The following MED27 variants were observed in gnomAD, a reference collection of about 807,000 sequenced individuals.
The protein encoded by MED27 is mediator complex subunit 27.
MED27 carries 30 observed loss-of-function variants against 38.2 expected under a neutral mutation model. That is an observed-to-expected ratio of 0.79 (90% CI 0.59 to 1.07). The LOEUF (loss-of-function observed/expected upper bound fraction) is 1.07. Among genes scored for constraint, MED27 ranks in the 50% least tolerant of loss-of-function variants. The pLI is 0.00. For synonymous variants in MED27, 122 were observed against 153.5 expected, an observed-to-expected ratio of 0.79 and a Z score of 1.52; for missense variants, 289 against 397.5, an observed-to-expected ratio of 0.73 and a Z score of 2.32.
chr9:131,864,318 T>A (rs371569444), intron 6 of MED27, among the ~76,000 whole-genome samples: 1 of 151,870 alleles, frequency 6.6e-6, no homozygotes, highest in Non-Finnish European at 1.5e-5. Context: ...CCCGCCTCTA[T>A]AGAAAATACA....
In MED27 at chr9:132,079,830, T is replaced by A; in HGVS notation, c.15A>T (p.Ile5=). ...AGGCCTCCAGGTTCACACTGACATT[T>A]ATCACGTCCGCCATGTTGCCGCCGC... MADV[I]NVSVNLEAFS... is the part of the protein sequence containing the mutation. The change falls in exon 1 of 8, where the codon ATA becomes ATT. Residue 5 remains isoleucine (I), a synonymous_variant. Coordinates refer to ENST00000292035, the MANE Select transcript of MED27 (RefSeq NM_004269.4). 6.3e-7 allele frequency: 1 copy of A among 1,596,272 alleles called. No individual in the cohort carries two copies. The highest frequency in any genetic ancestry group is 8.5e-7 in the Non-Finnish European group (1 of 1,171,258).
intron 4 of MED27, among the ~76,000 whole-genome samples, chr9:131,921,175 A>T (rs889217554): frequency 2.0e-5 from 3 of 152,200 alleles, no homozygotes; most frequent in African/African-American, 4.8e-5. Flanking sequence ...GAAAGTTCCA[A>T]CAATAGTACA....
intron 2 of MED27, among the ~76,000 whole-genome samples, chr9:132,058,992 C>A (rs1269259653): frequency 6.6e-6 from 1 of 152,192 alleles, no homozygotes; most frequent in African/African-American, 2.4e-5. Context: ...TCACCCTTCC[C>A]CACCGTGCAC....
In MED27 at chr9:131,891,699, A is replaced by G. The variant is rs1839231389; in HGVS notation, c.681+2186T>C. On this transcript the variant is annotated intron_variant, in intron 5 of 7. Coordinates refer to ENST00000292035, the MANE Select transcript of MED27 (RefSeq NM_004269.4). ...GGCAAGGGGGAGATGGCAAAAAGAA[A>G]GAGAATCATCCGCTCGCATGTGTAT... Among the ~76,000 whole-genome samples the G allele has an allele frequency of 3.9e-5, 6 of 152,158 alleles. No homozygotes were observed. The South Asian group carries it at 1.2e-3, about 32-fold the overall frequency.
At chr9:131,897,309 A>T (rs1288885118) in intron 4 of MED27, among the ~76,000 whole-genome samples, 2 of 152,248 alleles carry the variant, frequency 1.3e-5, no homozygotes, top group Admixed American at 1.3e-4. Context: ...GTGGCAAACA[A>T]TACAAATATT....
chr9:131,978,036 T>C (rs1342103298), intron 3 of MED27, among the ~76,000 whole-genome samples: 3 of 152,206 alleles, frequency 2.0e-5, no homozygotes, highest in African/African-American at 7.2e-5. Context: ...ACCAGACATT[T>C]TGTGCCTCCT....
Position 131,997,147 on chromosome 9 carries a change from C to T in MED27, c.479+17190G>A, listed in dbSNP as rs981498530. ...TCTCCTCTGTAAGCCCTTATCTTAT[C>T]ATGTTGAAAGGTTGTACAAATCTGC... On this transcript the variant is annotated intron_variant, in intron 3 of 7. Transcript: ENST00000292035. This position sits in a 1 kb window ranked among gnomAD's most constrained non-coding sequence, Gnocchi z 4.0. 5.3e-5 allele frequency among the ~76,000 whole-genome samples: 8 copies of T among 151,908 alleles called. No individual in the cohort carries two copies. Among genetic ancestry groups the T allele is most frequent in the African/African-American group, 1.9e-4 (8 of 41,330 alleles).
At chr9:131,896,025 A>G (rs1360353747) in intron 4 of MED27, among the ~76,000 whole-genome samples, 1 of 151,984 alleles carries the variant, frequency 6.6e-6, no homozygotes, top group Non-Finnish European at 1.5e-5. Flanking sequence ...CGGCCTCCCG[A>G]GTAGCTGGGA....
At chr9:132,046,467 A>T (rs1833340612) in intron 2 of MED27, among the ~76,000 whole-genome samples, 2 of 152,222 alleles carry the variant, frequency 1.3e-5, no homozygotes, top group Non-Finnish European at 2.9e-5. Flanking sequence ...TCTGGATGCA[A>T]GTAAGACAGA....
intron 2 of MED27, among the ~76,000 whole-genome samples, chr9:132,076,548 C>T (rs1017265236): frequency 6.6e-6 from 1 of 152,234 alleles, no homozygotes; most frequent in South Asian, 2.1e-4. Context: ...GGAAAAAAAA[C>T]CACAGAAACG....
At chr9:132,052,373 T>C (rs996952630) in intron 2 of MED27, among the ~76,000 whole-genome samples, 6 of 152,316 alleles carry the variant, frequency 3.9e-5, no homozygotes, top group African/African-American at 7.2e-5. Flanking sequence ...ATACAATATA[T>C]AGGTTTTTGA....
chr9:131,900,913 G>A (rs1273915659), intron 4 of MED27, among the ~76,000 whole-genome samples: 22 of 151,266 alleles, frequency 1.5e-4, no homozygotes, highest in Admixed American at 1.5e-3. Context: ...ACAGCAGAAA[G>A]AAAGAGAGAG....
At chr9:131,981,483 T>C (rs947156363) in intron 3 of MED27, among the ~76,000 whole-genome samples, 1 of 152,218 alleles carries the variant, frequency 6.6e-6, no homozygotes, top group Non-Finnish European at 1.5e-5. Flanking sequence ...TTTTAAAATG[T>C]GGCCATTTGT....
intron 3 of MED27, among the ~76,000 whole-genome samples, chr9:132,012,569 C>T (rs773388432): frequency 2.6e-5 from 4 of 152,138 alleles, no homozygotes; most frequent in Admixed American, 6.5e-5. Flanking sequence ...CCAGAGCAGT[C>T]ACCCCTTGGG....
intron 2 of MED27, among the ~76,000 whole-genome samples, chr9:132,024,572 A>T (rs1320093594): frequency 6.6e-6 from 1 of 152,240 alleles, no homozygotes; most frequent in Non-Finnish European, 1.5e-5. Flanking sequence ...TGATAAATGT[A>T]ATGAGAAAAT....
chr9:132,005,240 C>T (rs1192043279), intron 3 of MED27, among the ~76,000 whole-genome samples: 2 of 152,196 alleles, frequency 1.3e-5, no homozygotes, highest in East Asian at 3.8e-4. Context: ...AGATGGCACA[C>T]ATAAGGAAGA....
intron 4 of MED27, among the ~76,000 whole-genome samples, chr9:131,937,186 C>T (rs560313836): frequency 6.6e-6 from 1 of 152,116 alleles, no homozygotes; most frequent in Admixed American, 6.5e-5. Context: ...AGAGATTTGC[C>T]ATCTCATAAA....
At chr9:131,916,773 T>C (rs1189222939) in intron 4 of MED27, among the ~76,000 whole-genome samples, 1 of 152,152 alleles carries the variant, frequency 6.6e-6, no homozygotes, top group Non-Finnish European at 1.5e-5. Context: ...CTAAAGGCAC[T>C]GTGCACAGCA....
intron 2 of MED27, among the ~76,000 whole-genome samples, chr9:132,021,911 C>G (rs1239586689): frequency 6.6e-6 from 1 of 152,144 alleles, no homozygotes; most frequent in Non-Finnish European, 1.5e-5. Flanking sequence ...CACCAGACAC[C>G]AAATCTGCCA....
Sources: gnomAD v4.1 joint callset for allele counts (sites outside exome capture counted in the v4.1 genomes callset) on GRCh38, gnomAD v4.1.1 for gene constraint, Gnocchi (gnomAD v3.1) non-coding constraint, MANE v1.5 for transcripts, NCBI Gene and HGNC (gene_info 2026-07-23, HGNC 2026-07-21) for gene names.